PLEKHG3: variants seen among roughly 807,000 people sequenced by gnomAD.
The protein encoded by PLEKHG3 is pleckstrin homology and RhoGEF domain containing G3, also known as pleckstrin homology domain-containing family G member 3.
A neutral mutation model predicts 94.9 loss-of-function variants in PLEKHG3; 62 were observed. The ratio of observed to expected loss-of-function variants is 0.65; its 90% CI spans 0.53 to 0.81. The LOEUF is 0.81. Among genes scored for constraint, PLEKHG3 ranks in the 30% least tolerant of loss-of-function variants. PLEKHG3 has a pLI of 0.00. For synonymous variants in PLEKHG3, 614 were observed against 654.0 expected (o/e 0.94, Z 0.93); for missense variants, 1,461 against 1,619.3 (o/e 0.90, Z 1.68).
In PLEKHG3 at chr14:64,721,069, A is replaced by G. The variant is rs373441931; in HGVS notation, c.-39-6524A>G. ...CTTGATTTGATCACATCTGCCTTCTATGTGTCCCTTTTGCCATATAAGGTG... is the reference window on the plus strand; with the variant it reads ...CTTGATTTGATCACATCTGCCTTCTGTGTGTCCCTTTTGCCATATAAGGTG... On this transcript the variant is annotated intron_variant, in intron 1 of 16. Coordinates refer to ENST00000247226, the MANE Select transcript of PLEKHG3 (RefSeq NM_001308147.2). This position sits in a 1 kb window ranked among gnomAD's most constrained non-coding sequence, Gnocchi z 4.3. 3.9e-5 allele frequency among the ~76,000 whole-genome samples: 6 copies of G among 152,134 alleles called. No homozygotes were observed. Among genetic ancestry groups the G allele is most frequent in the African/African-American group, 7.2e-5 (3 of 41,416 alleles).
rs1004381605 is a variant in PLEKHG3, at chr14:64,716,673, G to T, written c.-39-10920G>T. 5.3e-5 allele frequency among the ~76,000 whole-genome samples: 8 copies of T among 152,136 alleles called. No homozygotes were observed. The highest frequency in any genetic ancestry group is 7.4e-5 in the Non-Finnish European group (5 of 68,022). On this transcript the variant is annotated intron_variant, in intron 1 of 16. Coordinates refer to ENST00000247226, the MANE Select transcript of PLEKHG3 (RefSeq NM_001308147.2). This position sits in a 1 kb window ranked among gnomAD's most constrained non-coding sequence, Gnocchi z 5.0. ...GCAGTTGAAAGGAGGTTATTCCCCT[G>T]CCCTGTCTCCTCCCTGGTGGGCAGC...
At chr14:64,708,146 G>A (rs1397130541) in intron 1 of PLEKHG3, among the ~76,000 whole-genome samples, 1 of 152,190 alleles carries the variant, frequency 6.6e-6, no homozygotes, top group African/African-American at 2.4e-5. Flanking sequence ...AGGCTTTCCT[G>A]CCCTACCCTA....
rs748640225 is a variant in PLEKHG3 at position 64,727,645 on chromosome 14, C to T, written c.14C>T (p.Thr5Ile). 2.1e-5 allele frequency: 34 copies of T among 1,610,666 alleles called. No individual in the cohort carries two copies. The highest frequency in any genetic ancestry group is 3.3e-4 in the Middle Eastern group (2 of 6,072). MPVS[T>I]SLHQDGSQER... is the part of the protein sequence containing the mutation. ...AGCAATGCCAGGATGCCTGTGTCCA[C>T]CTCCCTCCACCAGGATGGCAGCCAG... The change falls in exon 2 of 17, where the codon ACC (threonine) becomes ATC (isoleucine). Residue 5 changes from threonine (T) to isoleucine (I), a missense_variant. This residue lies in a region of PLEKHG3 where 253 missense variants were observed against 297.8 expected (regional missense o/e 0.85). Transcript: ENST00000247226. This position sits in a 1 kb window ranked among gnomAD's most constrained non-coding sequence, Gnocchi z 6.0.
Position 64,730,594 on chromosome 14 carries a change from T to C in PLEKHG3, c.520-48T>C, listed in dbSNP as rs140037729. On this transcript the variant is annotated intron_variant, in intron 4 of 16. Transcript: ENST00000247226. This position sits in a 1 kb window ranked among gnomAD's most constrained non-coding sequence, Gnocchi z 5.4. ...GCCTATCTGCTACCACCATCTTTAC[T>C]GTCAAATGAGAATCTCCCTGAAATC... The C allele has an allele frequency of 1.3e-6, 2 of 1,507,766 alleles. No homozygotes were observed. Among genetic ancestry groups the C allele is most frequent in the African/African-American group, 1.4e-5 (1 of 72,876 alleles). 93.4% of individuals were successfully genotyped at this position (1,507,766 alleles called of 1,614,324 possible).
rs756450330 is a variant in PLEKHG3, at chr14:64,742,979, T to A, written c.2939-3T>A. The A allele has an allele frequency of 6.2e-7, 1 of 1,613,030 alleles. No homozygotes were observed. The highest frequency in any genetic ancestry group is 8.5e-7 in the Non-Finnish European group (1 of 1,179,820). On this transcript the variant is annotated splice_region_variant and splice_polypyrimidine_tract_variant and intron_variant, in intron 16 of 16. Transcript: ENST00000247226. ...CTTCAGGCAGCTTGCTCTCTCCTCA[T>A]AGGTAAGAGGAAGCCGGTGCTGTCT... is the stretch of plus-strand genomic sequence containing the variant.
Position 64,744,503 on chromosome 14 carries a change from G to A in PLEKHG3, c.*800G>A, listed in dbSNP as rs749875703. 1 of 152,290 alleles carries A rather than the reference G, an allele frequency of 6.6e-6. No homozygotes were observed. The highest frequency in any genetic ancestry group is 2.4e-5 in the African/African-American group (1 of 41,420). 9.4% of individuals were successfully genotyped at this position (152,290 alleles called of 1,614,324 possible). On this transcript the variant is annotated 3_prime_UTR_variant, in exon 17 of 17. Transcript: ENST00000247226. Reference sequence around the variant, plus strand: ...AGGCACCCGGGTACTGGTGGGGGAGGTGGGGCAGGAGGATGTGAGGGCGGG... The same window carrying A: ...AGGCACCCGGGTACTGGTGGGGGAGATGGGGCAGGAGGATGTGAGGGCGGG...
intron 1 of PLEKHG3, among the ~76,000 whole-genome samples, chr14:64,709,509 C>T (rs2081033095): frequency 6.6e-6 from 1 of 152,102 alleles, no homozygotes. Flanking sequence ...TTCTCGTGGG[C>T]ACAGTGGTAG....
At position 64,720,600 on chromosome 14, in the gene PLEKHG3, G is replaced by A. The variant is rs1323770911; in HGVS notation, c.-39-6993G>A. Reference sequence around the variant, plus strand: ...TTTTACTGTATTGTCCAGAAGAGATGCATGTACATATCAAGCCCCAAGACC... The same window carrying A: ...TTTTACTGTATTGTCCAGAAGAGATACATGTACATATCAAGCCCCAAGACC... On this transcript the variant is annotated intron_variant, in intron 1 of 16. Transcript: ENST00000247226. The surrounding 1 kb of genome is among the most constrained non-coding windows in gnomAD (Gnocchi z 4.1). Among the ~76,000 whole-genome samples the A allele has an allele frequency of 2.0e-5, 3 of 152,226 alleles. No individual in the cohort carries two copies. The highest frequency in any genetic ancestry group is 2.9e-5 in the Non-Finnish European group (2 of 68,036).
chr14:64,737,795 G>A, intron 14 of PLEKHG3: 1 of 857,668 alleles, frequency 1.2e-6, no homozygotes, highest in Non-Finnish European at 1.5e-6. Context: ...CCCCCCCGCA[G>A]CTGCCTGCAG....
rs2081186877 is a variant in PLEKHG3, at chr14:64,717,357, A to G, written c.-39-10236A>G. ...CTGGGTTTGGATGCTCATGCTTGGA[A>G]TTGGGAAGGGAGTTGTGTTTTAGGG... On this transcript the variant is annotated intron_variant, in intron 1 of 16. Transcript: ENST00000247226. This position sits in a 1 kb window ranked among gnomAD's most constrained non-coding sequence, Gnocchi z 4.7. 6.6e-6 allele frequency among the ~76,000 whole-genome samples: 1 copy of G among 152,264 alleles called. No individual in the cohort carries two copies. The highest frequency in any genetic ancestry group is 2.1e-4 in the South Asian group (1 of 4,826).
At chr14:64,711,948 C>T (rs944807799) in intron 1 of PLEKHG3, among the ~76,000 whole-genome samples, 1 of 152,294 alleles carries the variant, frequency 6.6e-6, no homozygotes, top group South Asian at 2.1e-4. Context: ...CCTATCTTTT[C>T]TTCTAAGAGT....
rs991707259 is a variant in PLEKHG3, at chr14:64,727,979, G to A, written c.348G>A (p.Val116=). The A allele has an allele frequency of 1.3e-6, 2 of 1,557,274 alleles. No individual in the cohort carries two copies. Among genetic ancestry groups the A allele is most frequent in the South Asian group, 1.2e-5 (1 of 86,764 alleles). Residue 116 remains valine, a synonymous_variant, in exon 2 of 17, where the codon GTG becomes GTA. Coordinates refer to ENST00000247226, the MANE Select transcript of PLEKHG3 (RefSeq NM_001308147.2). The surrounding 1 kb of genome is among the most constrained non-coding windows in gnomAD (Gnocchi z 6.0). ...ACGTACAGGACCTGCGCAGCATCGT[G>A]GAGGTGCGTGTCGGAGGCCTTGCGG... The part of the protein sequence containing the change: ...RMYVQDLRSI[V]EDYLLKIIDT...
rs548578999 is a variant in PLEKHG3, at chr14:64,731,282, G to T, written c.850-79G>T. 8.4e-5 allele frequency: 124 copies of T among 1,472,522 alleles called. 1 individual carries two copies. In the East Asian group the frequency reaches 2.6e-3, roughly 31 times the overall value. The allele number at this position is 1,472,522 out of a possible 1,614,324, so 91.2% of individuals were successfully genotyped here. A position where few individuals can be genotyped will look rare whatever the true frequency, so the allele number is the denominator to read the frequency against. On this transcript the variant is annotated intron_variant, in intron 7 of 16. Transcript: ENST00000247226. The surrounding 1 kb of genome is among the most constrained non-coding windows in gnomAD (Gnocchi z 6.1). ...GATGAGCTGGGCAGTGGCATTGGGG[G>T]AGCCTTTGTGGCAGGGTTTGCAGAG... is the stretch of plus-strand genomic sequence containing the variant.
intron 1 of PLEKHG3, among the ~76,000 whole-genome samples, chr14:64,710,905 C>A (rs1309055437): frequency 6.6e-6 from 1 of 151,720 alleles, no homozygotes; most frequent in East Asian, 1.9e-4. Context: ...TTATGCTTTG[C>A]TGGTAATTGT....
chr14:64,726,718 A>G lies in PLEKHG3; in HGVS notation c.-39-875A>G, dbSNP rs1004886502. On this transcript the variant is annotated intron_variant, in intron 1 of 16. Transcript: ENST00000247226. This position sits in a 1 kb window ranked among gnomAD's most constrained non-coding sequence, Gnocchi z 5.1. ...GCTTACAGAGACTCACTGATGGCTTAGCCCTGGGGAATTTCCTGGGGCCTG... is the reference window on the plus strand; with the variant it reads ...GCTTACAGAGACTCACTGATGGCTTGGCCCTGGGGAATTTCCTGGGGCCTG... 6.6e-6 allele frequency among the ~76,000 whole-genome samples: 1 copy of G among 152,190 alleles called. No homozygotes were observed. Among genetic ancestry groups the G allele is most frequent in the Admixed American group, 6.5e-5 (1 of 15,280 alleles).
Position 64,731,862 on chromosome 14 carries a change from C to A in PLEKHG3, c.1125+56C>A. The stretch of plus-strand genomic sequence containing the variant: ...GAACAAGATGCCCAGGGGACACCTG[C>A]GTGGGACTCCTGGCTCCTCTGCTCA... On this transcript the variant is annotated intron_variant, in intron 9 of 16. Transcript: ENST00000247226. This position sits in a 1 kb window ranked among gnomAD's most constrained non-coding sequence, Gnocchi z 6.1. 7.9e-7 allele frequency: 1 copy of A among 1,266,400 alleles called. No homozygotes were observed. The highest frequency in any genetic ancestry group is 1.2e-6 in the Non-Finnish European group (1 of 868,646). The allele number at this position is 1,266,400 out of a possible 1,614,324, so 78.4% of individuals were successfully genotyped here. A position where few individuals can be genotyped will look rare whatever the true frequency, so the allele number is the denominator to read the frequency against.
Position 64,750,049 on chromosome 14 carries a change from C to G in PLEKHG3, c.*6346C>G. 1 of 1,614,216 alleles carries G rather than the reference C, an allele frequency of 6.2e-7. No individual in the cohort carries two copies. Among genetic ancestry groups the G allele is most frequent in the South Asian group, 1.1e-5 (1 of 91,080 alleles). ...TCTCACAGATGGCATGTCTCAGGGCCAGGGGTTCCTCCCCATGGTAGGGCA... is the reference window on the plus strand; with the variant it reads ...TCTCACAGATGGCATGTCTCAGGGCGAGGGGTTCCTCCCCATGGTAGGGCA... On this transcript the variant is annotated 3_prime_UTR_variant, in exon 17 of 17. Coordinates refer to ENST00000247226, the MANE Select transcript of PLEKHG3 (RefSeq NM_001308147.2).
intron 12 of PLEKHG3, among the ~76,000 whole-genome samples, chr14:64,733,158 CTTT>C (rs1208032694): frequency 1.5e-5 from 2 of 136,408 alleles, no homozygotes; most frequent in Non-Finnish European, 1.5e-5. Context: ...CTTTTCTTTT[CTTT>C]TTCTTTTTTT....
At position 64,745,825 on chromosome 14, in the gene PLEKHG3, G is replaced by T. The variant is rs1324815848; in HGVS notation, c.*2122G>T. On this transcript the variant is annotated 3_prime_UTR_variant, in exon 17 of 17. Coordinates refer to ENST00000247226, the MANE Select transcript of PLEKHG3 (RefSeq NM_001308147.2). The surrounding 1 kb of genome is among the most constrained non-coding windows in gnomAD (Gnocchi z 5.0). Reference sequence around the variant, plus strand: ...AGGCAGTCCTTACACGGCCATCTAGGTATGCCTGGGAACCTTGCACCAGGT... The same window carrying T: ...AGGCAGTCCTTACACGGCCATCTAGTTATGCCTGGGAACCTTGCACCAGGT... The T allele has an allele frequency of 6.6e-6, 1 of 152,184 alleles. No homozygotes were observed. The highest frequency in any genetic ancestry group is 2.4e-5 in the African/African-American group (1 of 41,432). The allele number at this position is 152,184 out of a possible 1,614,324, so 9.4% of individuals were successfully genotyped here.
Sources: gnomAD v4.1 joint callset for allele counts (sites outside exome capture counted in the v4.1 genomes callset) on GRCh38, gnomAD v4.1.1 for gene constraint, gnomAD v4.1.1 regional missense constraint, Gnocchi (gnomAD v3.1) non-coding constraint, MANE v1.5 for transcripts, NCBI Gene and HGNC (gene_info 2026-07-23, HGNC 2026-07-21) for gene names.